The following INTS4 variants were observed in gnomAD, a reference collection of about 807,000 sequenced individuals.
INTS4 encodes MSTP093.
Under a neutral mutation model 119.5 loss-of-function variants are expected in INTS4, and 70 were observed. That is an observed-to-expected ratio of 0.59 (90% CI 0.48 to 0.71). The LOEUF (loss-of-function observed/expected upper bound fraction) is 0.71, where lower values mean the gene tolerates loss of function less well. INTS4 is among the 30% of genes least tolerant of loss of function. The pLI is 0.00. For synonymous variants in INTS4, 316 were observed against 419.6 expected, an observed-to-expected ratio of 0.75 and a Z score of 3.02; for missense variants, 867 against 1,173.2, an observed-to-expected ratio of 0.74 and a Z score of 3.81.
chr11:77,874,892 C>A (rs1180691240), downstream of INTS4, among the ~76,000 whole-genome samples: 1 of 152,132 alleles, frequency 6.6e-6, no homozygotes. Flanking sequence ...CAAAAATTAG[C>A]CAGGCGTGGT....
At chr11:77,968,569 G>T (rs1855587966) in intron 4 of INTS4, among the ~76,000 whole-genome samples, 1 of 151,818 alleles carries the variant, frequency 6.6e-6, no homozygotes, top group Non-Finnish European at 1.5e-5. Flanking sequence ...GTCAATGAAG[G>T]GTGGTGATGA....
chr11:77,910,837 C>G, intron 15 of INTS4: 1 of 370,132 alleles, frequency 2.7e-6, no homozygotes, highest in South Asian at 2.2e-5. Context: ...TTGCTTTCTT[C>G]TTTTTTAGGG....
intron 4 of INTS4, among the ~76,000 whole-genome samples, chr11:77,962,499 A>C (rs1276621386): frequency 1.3e-5 from 2 of 152,218 alleles, no homozygotes; most frequent in East Asian, 3.8e-4. Context: ...AGCTATTTGC[A>C]TAACATAGCA....
chr11:77,960,585 A>T (rs1218998132), intron 5 of INTS4, among the ~76,000 whole-genome samples, 194 bp from the exon 6 acceptor site: 4 of 152,128 alleles, frequency 2.6e-5, no homozygotes, highest in Admixed American at 2.6e-4. Flanking sequence ...AATCTAACCC[A>T]TGGACTGTCC....
At position 77,981,663 on chromosome 11, in the gene INTS4, A is replaced by G. The variant is rs554332249; in HGVS notation, c.247-87T>C. On this transcript the variant is annotated intron_variant, in intron 2 of 22. Coordinates refer to ENST00000534064, the MANE Select transcript of INTS4 (RefSeq NM_033547.4). ...ACATGGAAAACTAACATCCCAAAAG[A>G]GATTCAATGATCCAAGTATTCTATG... is the stretch of plus-strand genomic sequence containing the variant. 9.7e-5 allele frequency: 54 copies of G among 559,444 alleles called. No homozygotes were observed. The African/African-American group carries it at 9.9e-4, about 10-fold the overall frequency. The allele number at this position is 559,444 out of a possible 1,614,324, so 34.7% of individuals were successfully genotyped here.
At position 77,937,069 on chromosome 11, in the gene INTS4, GGAAGCT is replaced by G. The variant is rs545963398; in HGVS notation, c.1165+1576_1165+1581del. 1.3e-3 allele frequency among the ~76,000 whole-genome samples: 197 copies of G among 151,972 alleles called. 1 individual carries two copies. Among genetic ancestry groups the G allele is most frequent in the African/African-American group, 4.5e-3 (187 of 41,406 alleles). ...GGGCACCTGCAGTCCCAGCTACTCG[GGAAGCT>G]GAAGCATGAGAATTGTCTGAACTCA... On this transcript the variant is annotated intron_variant, in intron 10 of 22. Transcript: ENST00000534064.
intron 10 of INTS4, among the ~76,000 whole-genome samples, chr11:77,937,472 A>G (rs1420106354): frequency 1.3e-5 from 2 of 152,214 alleles, no homozygotes; most frequent in Non-Finnish European, 2.9e-5. Flanking sequence ...GGCCATGCAC[A>G]GTGGCTCACG....
chr11:77,949,879 A>AATATAAAATTTATATACT (rs1212312531), intron 8 of INTS4, among the ~76,000 whole-genome samples: 11 of 152,336 alleles, frequency 7.2e-5, no homozygotes, highest in African/African-American at 2.6e-4. Flanking sequence ...ATATACCCAA[A>AATATAAAATTTATATACT]GGATTATAAA....
intron 3 of INTS4, among the ~76,000 whole-genome samples, chr11:77,980,672 T>C (rs1467436361): frequency 1.3e-5 from 2 of 152,206 alleles, no homozygotes; most frequent in Admixed American, 6.5e-5. Flanking sequence ...GCCTAACCTG[T>C]GCCTAGCCTG....
chr11:77,878,622 T>A (rs1480381714), downstream of INTS4: 8 of 594,268 alleles, frequency 1.3e-5, no homozygotes, highest in Non-Finnish European at 2.1e-5. Flanking sequence ...TAACTGGATC[T>A]TTGTGTTTCA....
intron 18 of INTS4, among the ~76,000 whole-genome samples, chr11:77,898,395 CT>C (rs1320092085): frequency 6.6e-6 from 1 of 152,158 alleles, no homozygotes; most frequent in Non-Finnish European, 1.5e-5. Flanking sequence ...AACTCCTGAC[CT>C]CGTGATCCAC....
At chr11:77,925,162 C>G (rs1382315988) in intron 11 of INTS4, among the ~76,000 whole-genome samples, 1 of 152,026 alleles carries the variant, frequency 6.6e-6, no homozygotes, top group East Asian at 1.9e-4. Context: ...AGCCTTTTTG[C>G]AACTAGGAAA....
At chr11:77,885,320 T>C (rs1296313010) in intron 21 of INTS4, among the ~76,000 whole-genome samples, 2 of 151,892 alleles carry the variant, frequency 1.3e-5, no homozygotes, top group African/African-American at 4.8e-5. Context: ...CAGGTGATCT[T>C]CCTACTTCAG....
intron 4 of INTS4, among the ~76,000 whole-genome samples, chr11:77,961,820 T>C (rs1231634526): frequency 6.6e-6 from 1 of 152,284 alleles, no homozygotes; most frequent in African/African-American, 2.4e-5. Flanking sequence ...GTTACTTATA[T>C]AGTATTCATT....
downstream of INTS4, chr11:77,877,199 A>C: frequency 1.8e-6 from 1 of 568,076 alleles, no homozygotes; most frequent in Non-Finnish European, 3.1e-6. Flanking sequence ...CAGGTTACTT[A>C]TTTCTCTCAA....
chr11:77,978,980 G>A lies in INTS4; in HGVS notation c.471+16C>T, dbSNP rs1390061979. On this transcript the variant is annotated intron_variant, in intron 4 of 22. Transcript: ENST00000534064. ...TACCAGTTTAGGATGGATCTGAATAGATTTTATACTCTTACCTTGCAGGCC... is the reference window on the plus strand; with the variant it reads ...TACCAGTTTAGGATGGATCTGAATAAATTTTATACTCTTACCTTGCAGGCC... The A allele has an allele frequency of 6.5e-7, 1 of 1,529,822 alleles. No individual in the cohort carries two copies. Among genetic ancestry groups the A allele is most frequent in the East Asian group, 2.3e-5 (1 of 44,316 alleles). The allele number at this position is 1,529,822 out of a possible 1,614,324, so 94.8% of individuals were successfully genotyped here. A position where few individuals can be genotyped will look rare whatever the true frequency, so the allele number is the denominator to read the frequency against.
downstream of INTS4, among the ~76,000 whole-genome samples, chr11:77,876,295 T>C (rs1424490426): frequency 6.6e-6 from 1 of 152,122 alleles, no homozygotes; most frequent in Non-Finnish European, 1.5e-5. Flanking sequence ...GTTCCAGGCT[T>C]AGCTTCACCA....
At chr11:77,882,141 CTT>C (rs767317608) in intron 22 of INTS4, among the ~76,000 whole-genome samples, 2 of 152,138 alleles carry the variant, frequency 1.3e-5, no homozygotes, top group Non-Finnish European at 2.9e-5. Flanking sequence ...GTCTCAGACT[CTT>C]GGGCTCAATC....
Position 77,960,823 on chromosome 11 carries a change from G to C in INTS4, c.657+130C>G, listed in dbSNP as rs542003726. On this transcript the variant is annotated intron_variant, in intron 5 of 22. Coordinates refer to ENST00000534064, the MANE Select transcript of INTS4 (RefSeq NM_033547.4). The stretch of plus-strand genomic sequence containing the variant: ...AGGAATGTGTGTCACTGAGTTCTGC[G>C]AGGCCACCACCAATACCCTCCTGAA... 5.8e-5 allele frequency: 47 copies of C among 804,916 alleles called. No individual in the cohort carries two copies. In the African/African-American group the frequency reaches 7.3e-4, roughly 13 times the overall value. 49.9% of individuals were successfully genotyped at this position (804,916 alleles called of 1,614,324 possible). A position where few individuals can be genotyped will look rare whatever the true frequency, so the allele number is the denominator to read the frequency against.
Sources: gnomAD v4.1 joint callset for allele counts (sites outside exome capture counted in the v4.1 genomes callset) on GRCh38, gnomAD v4.1.1 for gene constraint, MANE v1.5 for transcripts, NCBI Gene and HGNC (gene_info 2026-07-23, HGNC 2026-07-21) for gene names.